The following SDHB variants were observed in gnomAD, a reference collection of about 807,000 sequenced individuals.
SDHB encodes succinate dehydrogenase complex iron sulfur subunit B, also known as succinate dehydrogenase [ubiquinone] iron-sulfur subunit, mitochondrial.
SDHB carries 21 observed loss-of-function variants against 39.7 expected under a neutral mutation model. The observed-to-expected ratio is 0.53, with a 90% CI of 0.37 to 0.76. The LOEUF is 0.76. Among genes scored for constraint, SDHB ranks in the 30% least tolerant of loss-of-function variants. The pLI is 0.00. For missense variants in SDHB, 343 were observed against 350.9 expected (o/e 0.98, Z 0.18); for synonymous variants, 118 against 117.0 (o/e 1.01, Z -0.06).
intron 7 of SDHB, among the ~76,000 whole-genome samples, chr1:17,021,202 G>A (rs990006466): frequency 6.6e-6 from 1 of 152,172 alleles, no homozygotes; most frequent in African/African-American, 2.4e-5. Flanking sequence ...TTGAGAGGTG[G>A]GACCTTTAAG....
intron 5 of SDHB, among the ~76,000 whole-genome samples, chr1:17,025,031 C>A (rs950047881): frequency 3.9e-5 from 6 of 152,158 alleles, no homozygotes; most frequent in African/African-American, 1.4e-4. Context: ...TAGTCATATT[C>A]TTTAACCCAC....
chr1:17,020,393 G>A (rs1337015718), intron 7 of SDHB, among the ~76,000 whole-genome samples: 1 of 152,168 alleles, frequency 6.6e-6, no homozygotes, highest in Non-Finnish European at 1.5e-5. Context: ...GATTAAACTT[G>A]ATGGTTTTCA....
At chr1:17,023,857 G>A (rs2077976564) in intron 6 of SDHB, 116 bp downstream of exon 6, 14 of 758,646 alleles carry the variant, frequency 1.8e-5, no homozygotes, top group Middle Eastern at 3.5e-4. Context: ...TGGACTGGAT[G>A]GCAATGAAGG....
At chr1:17,050,290 T>G (rs1320396572) in intron 1 of SDHB, among the ~76,000 whole-genome samples, 1 of 152,016 alleles carries the variant, frequency 6.6e-6, no homozygotes, top group Non-Finnish European at 1.5e-5. Flanking sequence ...AGTTTTGGAG[T>G]GCCCCAAAAT....
intron 1 of SDHB, among the ~76,000 whole-genome samples, chr1:17,048,976 G>A (rs1451414211): frequency 6.6e-6 from 1 of 152,110 alleles, no homozygotes; most frequent in Admixed American, 6.6e-5. Context: ...CTCCCAAAGT[G>A]CTGGGATTAT....
chr1:17,021,736 C>T (rs983759238), intron 7 of SDHB, among the ~76,000 whole-genome samples: 9 of 151,554 alleles, frequency 5.9e-5, no homozygotes, highest in Admixed American at 2.0e-4. Flanking sequence ...GCAACAAGAG[C>T]GAAACTCTGT....
In SDHB at chr1:17,052,000, C is replaced by T. The variant is rs1434417912; in HGVS notation, c.72+1948G>A. On this transcript the variant is annotated intron_variant, in intron 1 of 7. Transcript: ENST00000375499. ...AGGATTATAGGCGCCCACCACCACG[C>T]CCAGCTAATTTTTTTTTTATTTTTT... Among the ~76,000 whole-genome samples the T allele has an allele frequency of 1.5e-4, 18 of 118,068 alleles. No individual in the cohort carries two copies. In the Admixed American group the frequency reaches 1.6e-3, roughly 10 times the overall value. The allele number at this position is 118,068 out of a possible 152,430, so 77.5% of individuals were successfully genotyped here. A position where few individuals can be genotyped will look rare whatever the true frequency, so the allele number is the denominator to read the frequency against.
intron 2 of SDHB, among the ~76,000 whole-genome samples, chr1:17,037,958 G>A (rs950654167): frequency 7.2e-5 from 11 of 152,178 alleles, no homozygotes; most frequent in African/African-American, 2.7e-4. Flanking sequence ...CCAACACGCA[G>A]AAACCCCATC....
chr1:17,020,719 G>A (rs2077956412), intron 7 of SDHB, among the ~76,000 whole-genome samples: 1 of 152,178 alleles, frequency 6.6e-6, no homozygotes, highest in South Asian at 2.1e-4. Context: ...GCCAGGCACT[G>A]TTCCAAGCAC....
intron 2 of SDHB, among the ~76,000 whole-genome samples, chr1:17,044,488 C>A (rs1429028889): frequency 2.0e-5 from 3 of 152,116 alleles, no homozygotes; most frequent in African/African-American, 4.8e-5. Flanking sequence ...CTATACCCAG[C>A]TAATTTCTGT....
At chr1:17,039,965 C>A (rs2078071836) in intron 2 of SDHB, among the ~76,000 whole-genome samples, 1 of 152,174 alleles carries the variant, frequency 6.6e-6, no homozygotes, top group Non-Finnish European at 1.5e-5. Flanking sequence ...TTTTCCTCAG[C>A]CTGACTAACT....
At chr1:17,053,802 AACCAAAGCACTG>A in intron 1 of SDHB, 134 bp downstream of exon 1, 3 of 711,584 alleles carry the variant, frequency 4.2e-6, no homozygotes, top group Non-Finnish European at 5.1e-6. Flanking sequence ...CTCGAAGCCA[AACCAAAGCACTG>A]CACCAGGGGG....
chr1:17,050,268 T>C (rs1443351947), intron 1 of SDHB, among the ~76,000 whole-genome samples: 1 of 152,242 alleles, frequency 6.6e-6, no homozygotes, highest in African/African-American at 2.4e-5. Flanking sequence ...TAAGTCGACA[T>C]ATCCCAACAT....
chr1:17,024,141 T>C (rs2077979392), intron 5 of SDHB, 67 bp from the exon 6 acceptor site: 9 of 1,136,192 alleles, frequency 7.9e-6, no homozygotes, highest in African/African-American at 3.0e-5. Context: ...TTCAGCTGAT[T>C]AAATGTTACC....
intron 7 of SDHB, among the ~76,000 whole-genome samples, chr1:17,022,322 T>C (rs895661823): frequency 6.6e-6 from 1 of 152,140 alleles, no homozygotes; most frequent in Non-Finnish European, 1.5e-5. Context: ...CCTGGGAAGG[T>C]TGAACGCAGG....
intron 1 of SDHB, among the ~76,000 whole-genome samples, chr1:17,046,191 TC>T (rs1168228052): frequency 1.3e-5 from 2 of 152,080 alleles, no homozygotes; most frequent in Non-Finnish European, 2.9e-5. Context: ...CTGGCTAAAA[TC>T]ATCAACAAAA....
chr1:17,032,967 G>A (rs1329915791), intron 3 of SDHB, 93 bp downstream of exon 3: 1 of 913,972 alleles, frequency 1.1e-6, no homozygotes, highest in African/African-American at 1.6e-5. Flanking sequence ...GAGAGCTGCA[G>A]CTGTTTTCCA....
rs1252727177 is a variant in SDHB, at chr1:17,023,986, G to A, written c.629C>T (p.Ala210Val). 6.2e-7 allele frequency: 1 copy of A among 1,612,738 alleles called. No individual in the cohort carries two copies. Among genetic ancestry groups the A allele is most frequent in the African/African-American group, 1.3e-5 (1 of 74,886 alleles). The stretch of plus-strand genomic sequence containing the variant: ...GGAGCACCTCACCTGCATAAGAACT[G>A]CAGGCCCCAGATATTTGTCTCCGTT... ...WWNGDKYLGP[A>V]VLMQAYRWMI... The change falls in exon 6 of 8, where the codon GCA (alanine) becomes GTA (valine). Residue 210 changes from alanine (A) to valine (V), a missense_variant. Physicochemically the swap from Ala to Val is moderately conservative, Grantham distance 64. Coordinates refer to ENST00000375499, the MANE Select transcript of SDHB (RefSeq NM_003000.3).
intron 2 of SDHB, among the ~76,000 whole-genome samples, chr1:17,040,749 C>A (rs2078075363): frequency 6.6e-6 from 1 of 152,096 alleles, no homozygotes; most frequent in African/African-American, 2.4e-5. Flanking sequence ...CAGACATGAG[C>A]CACCATGCCT....
Sources: gnomAD v4.1 joint callset for allele counts (sites outside exome capture counted in the v4.1 genomes callset) on GRCh38, gnomAD v4.1.1 for gene constraint, MANE v1.5 for transcripts, NCBI Gene and HGNC (gene_info 2026-07-23, HGNC 2026-07-21) for gene names.